SUMF1: variants seen among roughly 807,000 people sequenced by gnomAD.
SUMF1 encodes sulfatase modifying factor 1, also known as formylglycine-generating enzyme.
A neutral mutation model predicts 47.6 loss-of-function variants in SUMF1; 48 were observed. The ratio of observed to expected loss-of-function variants is 1.01; its 90% CI spans 0.80 to 1.28. The LOEUF is 1.28. Among genes scored for constraint, SUMF1 ranks in the 50% most tolerant of loss-of-function variants. The probability of loss-of-function intolerance (pLI) is 0.00; values close to 1 mark genes in which losing one functional copy is unlikely to be tolerated. For synonymous variants in SUMF1, 230 were observed against 192.1 expected (o/e 1.20, Z -1.63); for missense variants, 571 against 485.4 (o/e 1.18, Z -1.66).
At chr3:4,341,013 C>T (rs73016213) in intron 8 of SUMF1, among the ~76,000 whole-genome samples, 3,805 of 151,960 alleles carry the variant, frequency 0.025, 79 homozygotes, top group South Asian at 0.037. Flanking sequence ...AGGAGATATA[C>T]GTGCTGTAGC....
intron 8 of SUMF1, among the ~76,000 whole-genome samples, chr3:4,175,097 G>A (rs771009039): frequency 1.3e-5 from 2 of 152,186 alleles, no homozygotes; most frequent in Admixed American, 6.5e-5. Context: ...CCACCTCTCT[G>A]GGCAGGGCAT....
chr3:4,303,112 C>T (rs1487792182), intron 8 of SUMF1, among the ~76,000 whole-genome samples: 1 of 152,202 alleles, frequency 6.6e-6, no homozygotes, highest in Non-Finnish European at 1.5e-5. Context: ...CTCTCTGATG[C>T]TCCCAGGAAA....
At chr3:4,320,656 T>C (rs73809510) in intron 8 of SUMF1, among the ~76,000 whole-genome samples, 117 of 152,316 alleles carry the variant, frequency 7.7e-4, no homozygotes, top group African/African-American at 2.7e-3. Context: ...AAAAGTTGTT[T>C]AGGAGTTTTT....
Position 4,151,553 on chromosome 3 carries a change from A to G in SUMF1, c.1015-82808T>C, listed in dbSNP as rs866039270. On this transcript the variant is annotated intron_variant and NMD_transcript_variant, in intron 8 of 12. Transcript: ENST00000448413. The stretch of plus-strand genomic sequence containing the variant: ...TATATGTGTATATATATGTGTGTGT[A>G]TATACACACACACACACACACACAC... 2.4e-4 allele frequency among the ~76,000 whole-genome samples: 25 copies of G among 103,978 alleles called. No individual in the cohort carries two copies. The South Asian group carries it at 3.8e-3, about 16-fold the overall frequency. The allele number at this position is 103,978 out of a possible 152,430, so 68.2% of individuals were successfully genotyped here.
intron 1 of SUMF1, among the ~76,000 whole-genome samples, chr3:4,460,621 T>TGTGTGTGTGTGTGG (rs1214731917): frequency 6.8e-6 from 1 of 148,014 alleles, no homozygotes; most frequent in African/African-American, 2.5e-5. Flanking sequence ...TGTGTGTGTG[T>TGTGTGTGTGTGTGG]GTGAGAGTGT....
At chr3:4,380,656 A>C (rs1405355484) in intron 7 of SUMF1, among the ~76,000 whole-genome samples, 2 of 152,218 alleles carry the variant, frequency 1.3e-5, no homozygotes, top group African/African-American at 2.4e-5. Flanking sequence ...GGCAGGAACC[A>C]TCGTGAATCC....
At chr3:4,447,976 T>A (rs992679823) in intron 3 of SUMF1, among the ~76,000 whole-genome samples, 5 of 151,876 alleles carry the variant, frequency 3.3e-5, no homozygotes, top group Admixed American at 6.6e-5. Context: ...TATCTTAAAA[T>A]AAGGCACATG....
intron 7 of SUMF1, among the ~76,000 whole-genome samples, chr3:4,404,239 AC>A (rs1272037099): frequency 6.6e-6 from 1 of 152,208 alleles, no homozygotes; most frequent in Non-Finnish European, 1.5e-5. Context: ...TTCATCTTCC[AC>A]TAGGGAGAAG....
intron 7 of SUMF1, among the ~76,000 whole-genome samples, chr3:4,381,481 C>G (rs182989237): frequency 1.3e-5 from 2 of 152,052 alleles, no homozygotes; most frequent in African/African-American, 4.8e-5. Flanking sequence ...CAATAACCAA[C>G]GGAAATTAAA....
chr3:4,275,809 T>G (rs1014997406), intron 8 of SUMF1, among the ~76,000 whole-genome samples: 2 of 152,144 alleles, frequency 1.3e-5, no homozygotes, highest in Non-Finnish European at 2.9e-5. Context: ...TCAGTAAATG[T>G]CACTTAGCCA....
At chr3:4,382,143 A>G (rs1700522909) in intron 7 of SUMF1, among the ~76,000 whole-genome samples, 1 of 152,208 alleles carries the variant, frequency 6.6e-6, no homozygotes, top group Admixed American at 6.5e-5. Context: ...TGAAAGGCTA[A>G]TGAAGATCCT....
At chr3:4,392,178 C>T (rs1700890424) in intron 7 of SUMF1, among the ~76,000 whole-genome samples, 1 of 152,064 alleles carries the variant, frequency 6.6e-6, no homozygotes, top group Non-Finnish European at 1.5e-5. Context: ...TTTCTTCTAC[C>T]ATTTCTTATC....
intron 8 of SUMF1, among the ~76,000 whole-genome samples, chr3:4,366,878 T>A (rs1258173241): frequency 6.6e-6 from 1 of 152,192 alleles, no homozygotes; most frequent in South Asian, 2.1e-4. Context: ...ATGATGGTGA[T>A]GTACAGATGG....
At chr3:4,230,610 G>T (rs1242801) in intron 8 of SUMF1, among the ~76,000 whole-genome samples, 28,312 of 152,042 alleles carry the variant, frequency 0.19, 3,177 homozygotes, top group South Asian at 0.38. Context: ...CAAACTGGAA[G>T]TTCTCCAGAG....
At chr3:4,159,410 A>G (rs1161479539) in intron 8 of SUMF1, among the ~76,000 whole-genome samples, 2 of 151,576 alleles carry the variant, frequency 1.3e-5, no homozygotes, top group Non-Finnish European at 2.9e-5. Context: ...CAAACTAACA[A>G]ACCAGCAAAA....
At chr3:4,086,148 A>G (rs1692666345) in intron 8 of SUMF1, among the ~76,000 whole-genome samples, 1 of 151,786 alleles carries the variant, frequency 6.6e-6, no homozygotes, top group African/African-American at 2.4e-5. Context: ...CAAAATATAC[A>G]TTACCCAAAC....
At chr3:4,146,716 G>A (rs1449163580) in intron 8 of SUMF1, among the ~76,000 whole-genome samples, 2 of 147,628 alleles carry the variant, frequency 1.4e-5, no homozygotes, top group Non-Finnish European at 3.0e-5. Context: ...GCCCCAGTGT[G>A]TGATGTTCCC....
chr3:4,453,015 C>A lies in SUMF1; in HGVS notation c.305G>T (p.Gly102Val), dbSNP rs1703026667. The change falls in exon 2 of 9, where the codon GGC becomes GTC. Residue 102 changes from glycine to valine, a missense_variant. By Grantham distance (109) the Gly-to-Val change is moderately radical. Coordinates refer to ENST00000272902, the MANE Select transcript of SUMF1 (RefSeq NM_182760.4). ...CTGCTTTATCTGAGGATCATCTGTGCCCATTGTAAATACTCCAGCAGGGAT... is the reference window on the plus strand; with the variant it reads ...CTGCTTTATCTGAGGATCATCTGTGACCATTGTAAATACTCCAGCAGGGAT... ...VPIPAGVFTM[G>V]TDDPQIKQDG... 6.2e-7 allele frequency: 1 copy of A among 1,613,906 alleles called. No homozygotes were observed. Among genetic ancestry groups the A allele is most frequent in the Non-Finnish European group, 8.5e-7 (1 of 1,180,020 alleles).
chr3:4,203,168 C>T (rs1574974483), intron 8 of SUMF1, among the ~76,000 whole-genome samples: 1 of 151,928 alleles, frequency 6.6e-6, no homozygotes, highest in African/African-American at 2.4e-5. Context: ...CTAAAGGTCT[C>T]TCCAATGCCA....
Sources: allele counts gnomAD v4.1 joint callset (sites outside exome capture counted in the v4.1 genomes callset), GRCh38; gene constraint gnomAD v4.1.1; transcripts MANE v1.5; gene names NCBI Gene and HGNC (gene_info 2026-07-23, HGNC 2026-07-21).